The following NR3C2 variants were observed in gnomAD, a reference collection of about 807,000 sequenced individuals.
NR3C2 encodes mineralocorticoid receptor.
A neutral mutation model predicts 86.4 loss-of-function variants in NR3C2; 15 were observed. The ratio of observed to expected loss-of-function variants is 0.17; its 90% CI spans 0.12 to 0.27. The LOEUF (loss-of-function observed/expected upper bound fraction) is 0.27, where lower values mean the gene tolerates loss of function less well. Ranked by LOEUF, NR3C2 falls within the 10% of genes least tolerant of loss-of-function variation. NR3C2 has a pLI of 1.00. For missense variants in NR3C2, 960 were observed against 1,195.6 expected, an observed-to-expected ratio of 0.80 and a Z score of 2.91; for synonymous variants, 458 against 450.5, an observed-to-expected ratio of 1.02 and a Z score of -0.21.
intron 2 of NR3C2, among the ~76,000 whole-genome samples, chr4:148,412,405 T>C (rs1748750628): frequency 6.6e-6 from 1 of 152,156 alleles, no homozygotes; most frequent in African/African-American, 2.4e-5. Context: ...TTAGAATACA[T>C]AAGTGAAGTA....
intron 2 of NR3C2, among the ~76,000 whole-genome samples, chr4:148,418,624 T>C (rs985817249): frequency 6.6e-5 from 10 of 152,216 alleles, no homozygotes; most frequent in Admixed American, 4.6e-4. Context: ...TATTTACCCA[T>C]TGTAGTTCCT....
intron 2 of NR3C2, among the ~76,000 whole-genome samples, chr4:148,359,429 G>A (rs751514017): frequency 3.3e-5 from 5 of 152,150 alleles, no homozygotes; most frequent in African/African-American, 4.8e-5. Context: ...TTAGATGTAC[G>A]ATCTATACCT....
chr4:148,436,228 G>A lies in NR3C2; in HGVS notation c.633C>T (p.Asn211=). Residue 211 remains asparagine (N), a synonymous_variant, in exon 2 of 9, where the codon AAC becomes AAT. Transcript: ENST00000358102. ...AGCTGGCTGTGGTGGAGGACACAGA[G>A]TTGATTCCAGCAGGGCTGCAAACCG... The part of the protein sequence containing the change: ...TSSVCSPAGI[N]SVSSTTASFG... 2 of 1,614,228 alleles carry A rather than the reference G, an allele frequency of 1.2e-6. No homozygotes were observed. Among genetic ancestry groups the A allele is most frequent in the African/African-American group, 1.3e-5 (1 of 75,064 alleles).
chr4:148,273,728 A>C (rs1212562564), intron 2 of NR3C2, among the ~76,000 whole-genome samples: 1 of 152,184 alleles, frequency 6.6e-6, no homozygotes, highest in Non-Finnish European at 1.5e-5. Context: ...GCAGAAAGAC[A>C]ACCAGAAGCA....
chr4:148,203,847 C>G (rs1380877189), intron 3 of NR3C2, among the ~76,000 whole-genome samples: 2 of 152,018 alleles, frequency 1.3e-5, no homozygotes, highest in Admixed American at 1.3e-4. Context: ...ATGAGTGGGC[C>G]TGGATTAACA....
chr4:148,351,575 C>A (rs765319644), intron 2 of NR3C2, among the ~76,000 whole-genome samples: 1 of 152,220 alleles, frequency 6.6e-6, no homozygotes, highest in Non-Finnish European at 1.5e-5. Flanking sequence ...GAGCCCTCTA[C>A]AGACCCCAGG....
At chr4:148,234,681 TAAAA>T (rs76089180) in intron 3 of NR3C2, among the ~76,000 whole-genome samples, 2 of 73,040 alleles carry the variant, frequency 2.7e-5, no homozygotes, top group Non-Finnish European at 3.0e-5. Flanking sequence ...AGACTCCAAC[TAAAA>T]AAAAAAAAAA....
rs115994378 is a variant in NR3C2 at position 148,256,574 on chromosome 4, C to T, written c.1897+3404G>A. On this transcript the variant is annotated intron_variant, in intron 3 of 8. Coordinates refer to ENST00000358102, the MANE Select transcript of NR3C2 (RefSeq NM_000901.5). ...GCCCAGAGAAGTTTTAAATAACTTG[C>T]CTTAATCTCACACCTAGTGAGTGAC... Among the ~76,000 whole-genome samples the T allele has an allele frequency of 1.3e-3, 202 of 152,216 alleles. 1 individual carries two copies. The highest frequency in any genetic ancestry group is 4.6e-3 in the African/African-American group (190 of 41,518).
At chr4:148,392,043 A>G (rs935772813) in intron 2 of NR3C2, among the ~76,000 whole-genome samples, 2 of 152,290 alleles carry the variant, frequency 1.3e-5, no homozygotes, top group Admixed American at 1.3e-4. Flanking sequence ...ACTATTACCA[A>G]GTGCTTGGTT....
In NR3C2 at chr4:148,208,890, T is replaced by C. The variant is rs1199566754; in HGVS notation, c.1898-14028A>G. 2.0e-5 allele frequency: 3 copies of C among 152,332 alleles called. No homozygotes were observed. The East Asian group carries it at 5.8e-4, about 29-fold the overall frequency. The allele number at this position is 152,332 out of a possible 1,614,324, so 9.4% of individuals were successfully genotyped here. A position where few individuals can be genotyped will look rare whatever the true frequency, so the allele number is the denominator to read the frequency against. ...TAGAGAAAAATAATAATTTAGTTTATTTGGAATTACATGGTGTTTTTTTCT... is the reference window on the plus strand; with the variant it reads ...TAGAGAAAAATAATAATTTAGTTTACTTGGAATTACATGGTGTTTTTTTCT... On this transcript the variant is annotated intron_variant, in intron 3 of 8. Transcript: ENST00000358102.
intron 3 of NR3C2, among the ~76,000 whole-genome samples, chr4:148,221,904 A>G (rs996975731): frequency 6.6e-6 from 1 of 151,312 alleles, no homozygotes; most frequent in Non-Finnish European, 1.5e-5. Context: ...AAAAAAAAAA[A>G]AAAAAAAAGA....
intron 2 of NR3C2, among the ~76,000 whole-genome samples, chr4:148,360,613 T>C (rs1745789332): frequency 3.3e-5 from 5 of 152,216 alleles, no homozygotes; most frequent in African/African-American, 1.2e-4. Flanking sequence ...ATTAATATCA[T>C]CCCTATTGGA....
chr4:148,358,225 T>G (rs1745648761), intron 2 of NR3C2, among the ~76,000 whole-genome samples: 1 of 152,136 alleles, frequency 6.6e-6, no homozygotes, highest in African/African-American at 2.4e-5. Context: ...CCAACCCAAA[T>G]GTCCAACAAT....
intron 3 of NR3C2, among the ~76,000 whole-genome samples, chr4:148,253,215 G>C (rs1739659309): frequency 6.6e-6 from 1 of 152,194 alleles, no homozygotes; most frequent in African/African-American, 2.4e-5. Context: ...GCTGCAAGCT[G>C]GGTGTTGCCT....
At chr4:148,329,343 T>TATAC (rs75906249) in intron 2 of NR3C2, among the ~76,000 whole-genome samples, 2 of 152,164 alleles carry the variant, frequency 1.3e-5, no homozygotes, top group Non-Finnish European at 2.9e-5. Flanking sequence ...TGCATATATA[T>TATAC]ACACATATAT....
At chr4:148,098,636 G>A (rs1458143262) in intron 8 of NR3C2, among the ~76,000 whole-genome samples, 1 of 152,178 alleles carries the variant, frequency 6.6e-6, no homozygotes, top group Non-Finnish European at 1.5e-5. Context: ...GCCTGCAAAA[G>A]TGCCCTGAGC....
chr4:148,432,704 A>G (rs1486975305), intron 2 of NR3C2, among the ~76,000 whole-genome samples: 1 of 152,154 alleles, frequency 6.6e-6, no homozygotes, highest in African/African-American at 2.4e-5. Context: ...ATATTTTAAG[A>G]AATAGGCAAA....
At chr4:148,151,944 A>G (rs981568005) in intron 6 of NR3C2, among the ~76,000 whole-genome samples, 2 of 152,240 alleles carry the variant, frequency 1.3e-5, no homozygotes, top group African/African-American at 2.4e-5. Context: ...AAAATGCATC[A>G]TAAAACTAAA....
At chr4:148,329,976 A>G (rs1744152644) in intron 2 of NR3C2, among the ~76,000 whole-genome samples, 1 of 152,176 alleles carries the variant, frequency 6.6e-6, no homozygotes, top group Non-Finnish European at 1.5e-5. Context: ...CCTGGTATCT[A>G]TTTCTGACCA....
Sources: gnomAD v4.1 joint callset for allele counts (sites outside exome capture counted in the v4.1 genomes callset) on GRCh38, gnomAD v4.1.1 for gene constraint, MANE v1.5 for transcripts, NCBI Gene and HGNC (gene_info 2026-07-23, HGNC 2026-07-21) for gene names.